The following ZNF7 variants were observed in gnomAD, a reference collection of about 807,000 sequenced individuals.
The protein encoded by ZNF7 is C2-H2 type zinc finger protein.
Under a neutral mutation model 12.0 loss-of-function variants are expected in ZNF7, and 10 were observed. The observed-to-expected ratio is 0.83, with a 90% CI of 0.51 to 1.42. The LOEUF is 1.42. ZNF7 is among the 40% of genes most tolerant of loss of function. The probability of loss-of-function intolerance (pLI) is 0.00; values close to 1 mark genes in which losing one functional copy is unlikely to be tolerated. For missense variants in ZNF7, 854 were observed against 837.2 expected, an observed-to-expected ratio of 1.02 and a Z score of -0.25; for synonymous variants, 334 against 295.0, an observed-to-expected ratio of 1.13 and a Z score of -1.35.
chr8:144,843,555 T>G lies in ZNF7; in HGVS notation c.*387T>G, dbSNP rs1299829189. ...GTGAGCTGAGATCGCGCCACTGCAC[T>G]CCAGCCTGGGTGACAGAGTGAGACT... On this transcript the variant is annotated 3_prime_UTR_variant, in exon 5 of 5. Coordinates refer to ENST00000532777, the MANE Select transcript of ZNF7 (RefSeq NM_003416.4). 7.6e-6 allele frequency: 1 copy of G among 132,438 alleles called. No homozygotes were observed. The highest frequency in any genetic ancestry group is 1.5e-5 in the Non-Finnish European group (1 of 66,626). 8.2% of individuals were successfully genotyped at this position (132,438 alleles called of 1,614,324 possible). A position where few individuals can be genotyped will look rare whatever the true frequency, so the allele number is the denominator to read the frequency against.
At position 144,829,898 on chromosome 8, in the gene ZNF7, G is replaced by C. The variant is rs188268513; in HGVS notation, c.130+294G>C. The C allele has an allele frequency of 1.6e-5, 4 of 245,442 alleles. No homozygotes were observed. The Admixed American group carries it at 2.1e-4, about 13-fold the overall frequency. The allele number at this position is 245,442 out of a possible 1,614,324, so 15.2% of individuals were successfully genotyped here. On this transcript the variant is annotated intron_variant, in intron 3 of 4. Coordinates refer to ENST00000532777, the MANE Select transcript of ZNF7 (RefSeq NM_003416.4). Reference sequence around the variant, plus strand: ...TTGAAATAGCTTAGACAAGAAAAGAGAAATTATTGGGTGGAGAAATCCAAG... The same window carrying C: ...TTGAAATAGCTTAGACAAGAAAAGACAAATTATTGGGTGGAGAAATCCAAG...
intron 4 of ZNF7, chr8:144,838,867 AGGAGGCAGAGCTTGCAGTGAG>A (rs1469359833): frequency 1.4e-4 from 5 of 35,870 alleles, no homozygotes; most frequent in Non-Finnish European, 4.1e-4. Context: ...GTGTGAGCCC[AGGAGGCAGAGCTTGCAGTGAG>A]CCGAGATTGC....
intron 3 of ZNF7, chr8:144,835,514 A>C (rs1310278301): frequency 1.3e-5 from 2 of 151,814 alleles, no homozygotes; most frequent in African/African-American, 4.8e-5. Flanking sequence ...CTTTGGTTTT[A>C]ATCTGTTATA....
intron 1 of ZNF7, 29 bp from the exon 2 acceptor site, chr8:144,829,014 A>C: frequency 1.9e-6 from 3 of 1,609,404 alleles, no homozygotes; most frequent in Non-Finnish European, 2.5e-6. Flanking sequence ...TGGCACCTTG[A>C]CCTCTAATCC....
At chr8:144,827,748 G>C in intron 1 of ZNF7, 139 bp downstream of exon 1, 1 of 929,570 alleles carries the variant, frequency 1.1e-6, no homozygotes, top group Non-Finnish European at 1.3e-6. Flanking sequence ...GGGGCTTTGC[G>C]GGGCCTTGAG....
intron 3 of ZNF7, 174 bp from the exon 4 acceptor site, chr8:144,837,217 A>T (rs1368517921): frequency 2.0e-6 from 1 of 507,602 alleles, no homozygotes. Flanking sequence ...CTGGACAGAA[A>T]GGGCTGCTGT....
In ZNF7 at chr8:144,828,394, C is replaced by G. The variant is rs190993880; in HGVS notation, c.-45-649C>G. 1.9e-3 allele frequency among the ~76,000 whole-genome samples: 291 copies of G among 152,164 alleles called. 1 individual carries two copies. The highest frequency in any genetic ancestry group is 6.5e-3 in the African/African-American group (269 of 41,536). ...GTTTCCATGTCCACTCTTGTCTTCC[C>G]TACAGTTTGTCATTTTTGCTCCTGC... On this transcript the variant is annotated intron_variant, in intron 1 of 4. Transcript: ENST00000532777.
At chr8:144,836,083 T>C (rs1031512048) in intron 3 of ZNF7, 7 of 152,386 alleles carry the variant, frequency 4.6e-5, no homozygotes, top group Admixed American at 4.6e-4. Context: ...TAGTGGCATA[T>C]GCCTATAATC....
At chr8:144,846,006 A>C, downstream of ZNF7, 1 of 1,536,562 alleles carries the variant, frequency 6.5e-7, no homozygotes, top group South Asian at 1.2e-5. Flanking sequence ...ACCATGGGAC[A>C]AGAGCCAAGG....
At chr8:144,828,778 C>T in intron 1 of ZNF7, 1 of 525,040 alleles carries the variant, frequency 1.9e-6, no homozygotes, top group Non-Finnish European at 3.4e-6. Flanking sequence ...ATCCCCATTA[C>T]TCAGTGCCTG....
chr8:144,829,174 C>T (rs894235734), intron 2 of ZNF7, 84 bp downstream of exon 2: 4 of 1,600,912 alleles, frequency 2.5e-6, no homozygotes, highest in African/African-American at 2.7e-5. Context: ...GGGCCCAGAC[C>T]CTACCTTGGC....
Position 144,843,129 on chromosome 8 carries a change from C to T in ZNF7, c.2022C>T (p.Ser674=), listed in dbSNP as rs1293705838. 1.9e-6 allele frequency: 3 copies of T among 1,606,586 alleles called. No homozygotes were observed. Among genetic ancestry groups the T allele is most frequent in the Non-Finnish European group, 2.5e-6 (3 of 1,176,934 alleles). Residue 674 remains serine (S), a synonymous_variant, in exon 5 of 5, where the codon AGC becomes AGT. Transcript: ENST00000532777. ...CNDCGKAFNR[S]SRLTQHQKIH... ...ACTGTGGCAAAGCTTTTAATCGTAG[C>T]TCAAGGCTTACCCAGCATCAAAAAA...
rs747770085 is a variant in ZNF7 at position 144,843,008 on chromosome 8, A to G, written c.1901A>G (p.His634Arg). ...RKKVNTIKKLHQCEDCEKIFR... is the reference protein window; with the variant it reads ...RKKVNTIKKLRQCEDCEKIFR... ...AAGGTTAATACTATAAAGAAACTGC[A>G]TCAGTGTGAAGACTGTGAGAAGATA... The change falls in exon 5 of 5, where the codon CAT becomes CGT. Residue 634 changes from histidine (H) to arginine (R), a missense_variant. His to Arg is a conservative substitution (Grantham distance 29). Coordinates refer to ENST00000532777, the MANE Select transcript of ZNF7 (RefSeq NM_003416.4). 1 of 1,614,234 alleles carries G rather than the reference A, an allele frequency of 6.2e-7. No homozygotes were observed. Among genetic ancestry groups the G allele is most frequent in the Non-Finnish European group, 8.5e-7 (1 of 1,180,042 alleles).
At chr8:144,837,072 T>A (rs1195919331) in intron 3 of ZNF7, 1 of 219,828 alleles carries the variant, frequency 4.5e-6, no homozygotes, top group African/African-American at 2.3e-5. Context: ...AAGTGAAGCT[T>A]GGGCTTCTCC....
chr8:144,827,796 C>T (rs1057437294), intron 1 of ZNF7, 187 bp downstream of exon 1: 4 of 648,376 alleles, frequency 6.2e-6, no homozygotes, highest in African/African-American at 2.0e-5. Flanking sequence ...AGCCACCCTC[C>T]CCCGCGGCGG....
chr8:144,843,773 G>GACT (rs1830311032), downstream of ZNF7: 1 of 152,200 alleles, frequency 6.6e-6, no homozygotes, highest in African/African-American at 2.4e-5. Context: ...AGCGCTGCTA[G>GACT]ACTGAGTAGG....
chr8:144,842,011 G>A lies in ZNF7; in HGVS notation c.904G>A (p.Gly302Arg), dbSNP rs1386218294. ...TATTCAGCATCAAAGAATCCACACT[G>A]GGGAGAAGCCCTACAGATGTGAGGA... ...KLIQHQRIHT[G>R]EKPYRCEECG... The change falls in exon 5 of 5, where the codon GGG becomes AGG. Residue 302 changes from glycine (G) to arginine (R), a missense_variant. Physicochemically the swap from Gly to Arg is moderately radical, Grantham distance 125. Coordinates refer to ENST00000532777, the MANE Select transcript of ZNF7 (RefSeq NM_003416.4). 11 of 1,614,126 alleles carry A rather than the reference G, an allele frequency of 6.8e-6. 1 individual carries two copies. The highest frequency in any genetic ancestry group is 9.3e-6 in the Non-Finnish European group (11 of 1,180,058).
intron 4 of ZNF7, among the ~76,000 whole-genome samples, chr8:144,839,320 G>T (rs548931785): frequency 6.6e-6 from 1 of 152,392 alleles, no homozygotes; most frequent in East Asian, 1.9e-4. Context: ...CAGGAAGTCT[G>T]CATGTGATGT....
At position 144,841,657 on chromosome 8, in the gene ZNF7, C is replaced by G; in HGVS notation, c.550C>G (p.Leu184Val). 1 of 1,614,174 alleles carries G rather than the reference C, an allele frequency of 6.2e-7. No individual in the cohort carries two copies. Among genetic ancestry groups the G allele is most frequent in the East Asian group, 2.2e-5 (1 of 44,890 alleles). The change falls in exon 5 of 5, where the codon CTT becomes GTT. Residue 184 changes from leucine (L) to valine (V), a missense_variant. Leu to Val is a conservative substitution (Grantham distance 32, BLOSUM62 1). Transcript: ENST00000532777. ...LGSSGLDCQP[L>V]ESQGESAEGM... ...AAGCAGCGGCCTGGATTGTCAGCCT[C>G]TTGAAAGTCAGGGAGAGAGTGCGGA...
Sources: gnomAD v4.1 joint callset for allele counts (sites outside exome capture counted in the v4.1 genomes callset) on GRCh38, gnomAD v4.1.1 for gene constraint, MANE v1.5 for transcripts, NCBI Gene and HGNC (gene_info 2026-07-23, HGNC 2026-07-21) for gene names.